CACNA1B: variants seen among roughly 807,000 people sequenced by gnomAD.
CACNA1B encodes calcium voltage-gated channel subunit alpha1 B.
CACNA1B carries 70 observed loss-of-function variants against 247.2 expected under a neutral mutation model. The observed-to-expected ratio is 0.28, with a 90% CI of 0.23 to 0.35. CACNA1B has a LOEUF of 0.35. Among genes scored for constraint, CACNA1B ranks in the 10% least tolerant of loss-of-function variants. CACNA1B has a pLI of 1.00. For synonymous variants in CACNA1B, 1,231 were observed against 1,294.4 expected (o/e 0.95, Z 1.05); for missense variants, 2,367 against 3,197.4 (o/e 0.74, Z 6.26).
chr9:138,043,619 T>C (rs1180823425), intron 20 of CACNA1B, among the ~76,000 whole-genome samples, 155 bp from the exon 21 acceptor site: 1 of 152,126 alleles, frequency 6.6e-6, no homozygotes. Flanking sequence ...GCCACGGTCA[T>C]GTACGTGAAG....
chr9:137,977,546 G>A (rs1225783590), intron 12 of CACNA1B, among the ~76,000 whole-genome samples: 1 of 152,146 alleles, frequency 6.6e-6, no homozygotes, highest in Non-Finnish European at 1.5e-5. Flanking sequence ...ACAGAGGGCA[G>A]GGCAGGGCAG....
chr9:137,995,636 C>G (rs1958490248), intron 15 of CACNA1B, among the ~76,000 whole-genome samples: 1 of 152,170 alleles, frequency 6.6e-6, no homozygotes, highest in Non-Finnish European at 1.5e-5. Context: ...GACTTCTTGA[C>G]CAAGAACCCA....
intron 6 of CACNA1B, among the ~76,000 whole-genome samples, chr9:137,931,879 C>T (rs1041876718): frequency 1.3e-5 from 2 of 152,038 alleles, no homozygotes; most frequent in Non-Finnish European, 2.9e-5. Flanking sequence ...AGTGATGGGC[C>T]GGCTAGAGGA....
At chr9:137,909,426 C>T (rs935075346) in intron 3 of CACNA1B, among the ~76,000 whole-genome samples, 1 of 152,238 alleles carries the variant, frequency 6.6e-6, no homozygotes, top group Non-Finnish European at 1.5e-5. Flanking sequence ...CTTCCAGGTA[C>T]CTCATGTAAG....
intron 31 of CACNA1B, chr9:138,068,758 G>T: frequency 2.3e-6 from 1 of 430,934 alleles, no homozygotes; most frequent in Non-Finnish European, 4.7e-6. Context: ...AGGGCACAAA[G>T]TGGAGGGTGC....
intron 44 of CACNA1B, 117 bp downstream of exon 44, chr9:138,118,885 A>G: frequency 1.6e-6 from 1 of 629,456 alleles, no homozygotes; most frequent in African/African-American, 1.9e-5. Context: ...GCTGGGGTCC[A>G]TGTGTGGAGC....
At position 138,007,256 on chromosome 9, in the gene CACNA1B, G is replaced by T. The variant is rs1958664566; in HGVS notation, c.2092+372G>T. The stretch of plus-strand genomic sequence containing the variant: ...GGTTTTGGCACTGGGCTTTAAAAAG[G>T]AGCCCTTCCCCCTGCTGATACCATC... On this transcript the variant is annotated intron_variant, in intron 16 of 46. Coordinates refer to ENST00000371372, the MANE Select transcript of CACNA1B (RefSeq NM_000718.4). The surrounding 1 kb of genome is among the most constrained non-coding windows in gnomAD (Gnocchi z 4.1). 6.6e-6 allele frequency among the ~76,000 whole-genome samples: 1 copy of T among 152,194 alleles called. No individual in the cohort carries two copies. Among genetic ancestry groups the T allele is most frequent in the African/African-American group, 2.4e-5 (1 of 41,436 alleles).
In CACNA1B at chr9:137,954,132, A is replaced by G. The variant is rs1343796625; in HGVS notation, c.1071-1566A>G. ...TGGGATATGTGATGTTCCTCCCATC[A>G]GCGCAGCTGAACCCTCCCTCAGGCC... On this transcript the variant is annotated intron_variant, in intron 7 of 46. Transcript: ENST00000371372. The surrounding 1 kb of genome is among the most constrained non-coding windows in gnomAD (Gnocchi z 4.1). 1.3e-5 allele frequency among the ~76,000 whole-genome samples: 2 copies of G among 152,136 alleles called. No individual in the cohort carries two copies. The highest frequency in any genetic ancestry group is 6.5e-5 in the Admixed American group (1 of 15,286).
At chr9:137,981,325 G>T (rs1452075907) in intron 12 of CACNA1B, among the ~76,000 whole-genome samples, 3 of 152,116 alleles carry the variant, frequency 2.0e-5, no homozygotes, top group Non-Finnish European at 2.9e-5. Flanking sequence ...TTCAAAACCA[G>T]CAAGTCCTGG....
intron 19 of CACNA1B, 128 bp downstream of exon 19, chr9:138,023,939 C>A: frequency 8.3e-6 from 5 of 604,122 alleles, no homozygotes; most frequent in Non-Finnish European, 1.2e-5. Context: ...ATGTCCAGAG[C>A]CGTCGGGGCT....
intron 36 of CACNA1B, among the ~76,000 whole-genome samples, chr9:138,091,319 G>A (rs1960871051): frequency 6.6e-6 from 1 of 152,180 alleles, no homozygotes; most frequent in African/African-American, 2.4e-5. Flanking sequence ...TCACTCATAT[G>A]TGGAAGCTAA....
At chr9:137,987,883 G>A (rs1958385688) in intron 15 of CACNA1B, among the ~76,000 whole-genome samples, 1 of 152,214 alleles carries the variant, frequency 6.6e-6, no homozygotes, top group Non-Finnish European at 1.5e-5. Flanking sequence ...GTCACTGCCA[G>A]GCAGAGCCAG....
At chr9:138,042,366 C>T (rs1312134610) in intron 20 of CACNA1B, among the ~76,000 whole-genome samples, 2 of 152,196 alleles carry the variant, frequency 1.3e-5, no homozygotes, top group Non-Finnish European at 2.9e-5. Flanking sequence ...AGGAGAATCA[C>T]TTGAACTCAG....
intron 6 of CACNA1B, among the ~76,000 whole-genome samples, chr9:137,943,467 C>T (rs1400227081): frequency 2.6e-5 from 4 of 152,148 alleles, no homozygotes; most frequent in South Asian, 2.1e-4. Flanking sequence ...AACCCAAACT[C>T]GGGAAATAGT....
intron 15 of CACNA1B, among the ~76,000 whole-genome samples, chr9:137,987,481 T>G (rs989409891): frequency 5.3e-5 from 8 of 152,198 alleles, no homozygotes; most frequent in African/African-American, 1.9e-4. Context: ...TGCCTTGCAT[T>G]CCTGTCCCAT....
At position 138,057,085 on chromosome 9, in the gene CACNA1B, G is replaced by A. The variant is rs1451981310; in HGVS notation, c.3969-647G>A. Among the ~76,000 whole-genome samples the A allele has an allele frequency of 3.3e-5, 5 of 152,032 alleles. No individual in the cohort carries two copies. The highest frequency in any genetic ancestry group is 3.4e-3 in the Middle Eastern group (1 of 294). On this transcript the variant is annotated intron_variant, in intron 26 of 46. Transcript: ENST00000371372. This position sits in a 1 kb window ranked among gnomAD's most constrained non-coding sequence, Gnocchi z 4.0. ...CGAGTAGCTGGGACTATAGGCGCCC[G>A]CCACCACGCCCGGCTAATTATTTTT...
rs1958880300 is a variant in CACNA1B at position 138,023,645 on chromosome 9, G to C, written c.2902G>C (p.Glu968Gln). 1.4e-6 allele frequency: 2 copies of C among 1,416,366 alleles called. No individual in the cohort carries two copies. The highest frequency in any genetic ancestry group is 1.5e-5 in the African/African-American group (1 of 66,114). 87.7% of individuals were successfully genotyped at this position (1,416,366 alleles called of 1,614,324 possible). ...HRGGPRAGPR[E>Q]AESGEEPARR... is the part of the protein sequence containing the mutation. ...CGGCGGCCCCCGAGCGGGGCCCCGG[G>C]AGGCGGAGAGCGGGGAGGAGCCGGC... The change falls in exon 19 of 47, where the codon GAG (glutamate) becomes CAG (glutamine). Residue 968 changes from glutamate to glutamine, a missense_variant. Glu to Gln is a conservative substitution (Grantham distance 29). Coordinates refer to ENST00000371372, the MANE Select transcript of CACNA1B (RefSeq NM_000718.4).
chr9:138,100,541 G>T lies in CACNA1B; in HGVS notation c.5223-2170G>T, dbSNP rs944368680. Among the ~76,000 whole-genome samples the T allele has an allele frequency of 3.4e-4, 52 of 152,286 alleles. No homozygotes were observed. Among genetic ancestry groups the T allele is most frequent in the African/African-American group, 1.3e-3 (52 of 41,562 alleles). ...CCTTTTACAGAAGGAAATTCAACAT[G>T]ATTTGGAGCTGATTGGACCGAGGGG... On this transcript the variant is annotated intron_variant, in intron 37 of 46. Transcript: ENST00000371372. This position sits in a 1 kb window ranked among gnomAD's most constrained non-coding sequence, Gnocchi z 4.6.
chr9:137,934,760 C>T (rs922212210), intron 6 of CACNA1B, among the ~76,000 whole-genome samples: 3 of 152,180 alleles, frequency 2.0e-5, no homozygotes, highest in Non-Finnish European at 4.4e-5. Flanking sequence ...GAAGCCACAG[C>T]TCTAGGAAAA....
Sources: gnomAD v4.1 joint callset for allele counts (sites outside exome capture counted in the v4.1 genomes callset) on GRCh38, gnomAD v4.1.1 for gene constraint, Gnocchi (gnomAD v3.1) non-coding constraint, MANE v1.5 for transcripts, NCBI Gene and HGNC (gene_info 2026-07-23, HGNC 2026-07-21) for gene names.